ANKRD6: variants seen among roughly 807,000 people sequenced by gnomAD.
The protein encoded by ANKRD6 is ankyrin repeat domain-containing protein 6.
A neutral mutation model predicts 82.3 loss-of-function variants in ANKRD6; 56 were observed. That is an observed-to-expected ratio of 0.68 (90% CI 0.55 to 0.85). The LOEUF (loss-of-function observed/expected upper bound fraction) is 0.85. Among genes scored for constraint, ANKRD6 ranks in the 40% least tolerant of loss-of-function variants. The pLI, the probability that ANKRD6 is intolerant of heterozygous loss-of-function variation, is 0.00. For synonymous variants in ANKRD6, 347 were observed against 352.1 expected (o/e 0.99, Z 0.16); for missense variants, 852 against 907.6 (o/e 0.94, Z 0.79).
intron 1 of ANKRD6, among the ~76,000 whole-genome samples, chr6:89,525,657 T>A (rs1232591284): frequency 6.6e-6 from 1 of 152,174 alleles, no homozygotes; most frequent in African/African-American, 2.4e-5. Context: ...AATAGAGTCA[T>A]ACATATTCAG....
intron 15 of ANKRD6, among the ~76,000 whole-genome samples, chr6:89,629,733 T>C (rs1806921990): frequency 6.6e-6 from 1 of 152,222 alleles, no homozygotes; most frequent in African/African-American, 2.4e-5. Flanking sequence ...ATCTTTACAT[T>C]AGCCACAGTG....
intron 5 of ANKRD6, among the ~76,000 whole-genome samples, chr6:89,607,672 T>TG (rs1262234955): frequency 1.6e-4 from 25 of 151,678 alleles, no homozygotes; most frequent in Non-Finnish European, 2.9e-4. Context: ...TTTTTTTTTT[T>TG]GGATACAGAA....
At chr6:89,581,857 C>G (rs112706114) in intron 2 of ANKRD6, among the ~76,000 whole-genome samples, 3,985 of 152,302 alleles carry the variant, frequency 0.026, 204 homozygotes, top group African/African-American at 0.091. Flanking sequence ...TGCAGTGCTT[C>G]GTTCTGCTCC....
At chr6:89,499,426 C>T (rs1005260190) in intron 1 of ANKRD6, among the ~76,000 whole-genome samples, 40 of 152,140 alleles carry the variant, frequency 2.6e-4, no homozygotes, top group African/African-American at 9.7e-4. Flanking sequence ...CTTTTTGCCA[C>T]CTCAGAGCAC....
intron 1 of ANKRD6, among the ~76,000 whole-genome samples, chr6:89,555,227 T>A (rs1786432934): frequency 6.6e-6 from 1 of 151,640 alleles, no homozygotes; most frequent in South Asian, 2.1e-4. Flanking sequence ...GGAATTTCTC[T>A]GGTTAGGACA....
At chr6:89,451,663 C>G (rs1057402414) in intron 1 of ANKRD6, among the ~76,000 whole-genome samples, 1 of 152,180 alleles carries the variant, frequency 6.6e-6, no homozygotes, top group Admixed American at 6.5e-5. Flanking sequence ...ACGTCCTAAA[C>G]TAACTAATTT....
chr6:89,470,534 T>C (rs1167297784), intron 1 of ANKRD6, among the ~76,000 whole-genome samples: 1 of 152,122 alleles, frequency 6.6e-6, no homozygotes, highest in Non-Finnish European at 1.5e-5. Flanking sequence ...GGCAAGAGGA[T>C]TGTTTGCACC....
At chr6:89,603,320 ATTTTT>A (rs1229759944) in intron 4 of ANKRD6, among the ~76,000 whole-genome samples, 193 bp downstream of exon 4, 3 of 114,708 alleles carry the variant, frequency 2.6e-5, no homozygotes, top group East Asian at 2.4e-4. Context: ...GCCAATTGTA[ATTTTT>A]TTTTTTTTTT....
chr6:89,531,487 C>T (rs1783140325), intron 1 of ANKRD6, among the ~76,000 whole-genome samples: 1 of 152,254 alleles, frequency 6.6e-6, no homozygotes, highest in Admixed American at 6.5e-5. Context: ...TGCATTCTCC[C>T]CCTAGTGCAA....
At chr6:89,601,613 A>G (rs1319188815) in intron 3 of ANKRD6, 1 of 152,198 alleles carries the variant, frequency 6.6e-6, no homozygotes, top group East Asian at 1.9e-4. Context: ...TTGAGTTTTA[A>G]CTAGGATTTT....
intron 1 of ANKRD6, among the ~76,000 whole-genome samples, chr6:89,485,684 C>CG (rs1554219258): frequency 6.6e-6 from 1 of 152,160 alleles, no homozygotes; most frequent in African/African-American, 2.4e-5. Context: ...CTAGACAACT[C>CG]TGACGAGGCA....
intron 2 of ANKRD6, among the ~76,000 whole-genome samples, chr6:89,579,911 TGAA>T (rs950923847): frequency 6.6e-6 from 1 of 152,156 alleles, no homozygotes; most frequent in Admixed American, 6.6e-5. Flanking sequence ...AAAGTGACGT[TGAA>T]GAACAAAGTT....
chr6:89,566,296 G>A (rs1230229374), intron 1 of ANKRD6, among the ~76,000 whole-genome samples: 2 of 152,142 alleles, frequency 1.3e-5, no homozygotes, highest in Non-Finnish European at 1.5e-5. Flanking sequence ...CACTATTTAC[G>A]GTGAAAAAAG....
intron 1 of ANKRD6, among the ~76,000 whole-genome samples, chr6:89,488,005 G>T (rs980282529): frequency 1.3e-5 from 2 of 152,178 alleles, no homozygotes; most frequent in Non-Finnish European, 2.9e-5. Flanking sequence ...ACAGAGGTAA[G>T]ATCCACAGTG....
At chr6:89,540,685 C>G (rs1262785425) in intron 1 of ANKRD6, among the ~76,000 whole-genome samples, 1 of 152,132 alleles carries the variant, frequency 6.6e-6, no homozygotes, top group Non-Finnish European at 1.5e-5. Context: ...CGGGGTATTG[C>G]TCAAGAAATT....
intron 2 of ANKRD6, among the ~76,000 whole-genome samples, chr6:89,588,901 G>A (rs906062442): frequency 1.0e-4 from 15 of 148,876 alleles, no homozygotes; most frequent in African/African-American, 3.5e-4. Flanking sequence ...GCTGAGGCAG[G>A]AGAATCGCTT....
chr6:89,547,569 C>T (rs1785263308), intron 1 of ANKRD6, among the ~76,000 whole-genome samples: 1 of 152,146 alleles, frequency 6.6e-6, no homozygotes, highest in African/African-American at 2.4e-5. Flanking sequence ...AGCGCACCAG[C>T]GGGGCTCGGG....
At chr6:89,523,351 G>C (rs1782097225) in intron 1 of ANKRD6, among the ~76,000 whole-genome samples, 1 of 152,202 alleles carries the variant, frequency 6.6e-6, no homozygotes, top group Non-Finnish European at 1.5e-5. Flanking sequence ...TTCAAAGACT[G>C]TCATGCAAAA....
intron 1 of ANKRD6, among the ~76,000 whole-genome samples, chr6:89,531,274 C>T (rs1783111375): frequency 6.6e-6 from 1 of 152,110 alleles, no homozygotes; most frequent in Non-Finnish European, 1.5e-5. Flanking sequence ...AAGGAGGTAG[C>T]GGAAACAATA....
Sources: allele counts gnomAD v4.1 joint callset (sites outside exome capture counted in the v4.1 genomes callset), GRCh38; gene constraint gnomAD v4.1.1; transcripts MANE v1.5; gene names NCBI Gene and HGNC (gene_info 2026-07-23, HGNC 2026-07-21).